The following ZFYVE9 variants were observed in gnomAD, a reference collection of about 807,000 sequenced individuals.
ZFYVE9 encodes zinc finger FYVE domain-containing protein 9.
ZFYVE9 carries 43 observed loss-of-function variants against 126.7 expected under a neutral mutation model. The ratio of observed to expected loss-of-function variants is 0.34; its 90% CI spans 0.27 to 0.44. The LOEUF (loss-of-function observed/expected upper bound fraction) is 0.44, where lower values mean the gene tolerates loss of function less well. Among genes scored for constraint, ZFYVE9 ranks in the 20% least tolerant of loss-of-function variants. The pLI is 1.00. For missense variants in ZFYVE9, 1,476 were observed against 1,697.0 expected (o/e 0.87, Z 2.29); for synonymous variants, 521 against 597.4 (o/e 0.87, Z 1.87).
intron 13 of ZFYVE9, among the ~76,000 whole-genome samples, chr1:52,322,462 C>T (rs895751697): frequency 7.4e-5 from 11 of 148,806 alleles, no homozygotes; most frequent in African/African-American, 2.7e-4. Flanking sequence ...ACTGCAACTT[C>T]CGCCTCCCGG....
At position 52,149,430 on chromosome 1, in the gene ZFYVE9, C is replaced by T. The variant is rs145122965; in HGVS notation, c.-143+7027C>T. 2.3e-3 allele frequency among the ~76,000 whole-genome samples: 343 copies of T among 151,982 alleles called. 1 individual carries two copies. Among genetic ancestry groups the T allele is most frequent in the African/African-American group, 7.9e-3 (326 of 41,416 alleles). On this transcript the variant is annotated intron_variant, in intron 1 of 18. Coordinates refer to ENST00000287727, the MANE Select transcript of ZFYVE9 (RefSeq NM_004799.4). Reference sequence around the variant, plus strand: ...TTCTTAAGAAAAGGCAATTGTAATGCCTGAGTTTAGTTTTTCTTTAACTCT... The same window carrying T: ...TTCTTAAGAAAAGGCAATTGTAATGTCTGAGTTTAGTTTTTCTTTAACTCT...
At chr1:52,219,042 G>A (rs889810646) in intron 2 of ZFYVE9, among the ~76,000 whole-genome samples, 1 of 152,076 alleles carries the variant, frequency 6.6e-6, no homozygotes, top group Admixed American at 6.6e-5. Context: ...GCGACCCTCT[G>A]AGGAGGTCCA....
At chr1:52,293,397 A>C in intron 10 of ZFYVE9, 56 bp from the exon 11 acceptor site, 1 of 1,318,128 alleles carries the variant, frequency 7.6e-7, no homozygotes, top group Non-Finnish European at 1.0e-6. Flanking sequence ...AAAAAAAAAA[A>C]AGAAATATGA....
At position 52,159,013 on chromosome 1, in the gene ZFYVE9, C is replaced by T. The variant is rs546301797; in HGVS notation, c.-143+16610C>T. 3.2e-4 allele frequency among the ~76,000 whole-genome samples: 48 copies of T among 152,128 alleles called. No homozygotes were observed. In the South Asian group the frequency reaches 5.8e-3, roughly 18 times the overall value. On this transcript the variant is annotated intron_variant, in intron 1 of 18. Transcript: ENST00000287727. ...TTCACCATGTTGGCCAGGATGGTCT[C>T]GATCTCCTGACCTCGTGATCCGCCC...
chr1:52,268,736 A>G (rs1645658678), intron 7 of ZFYVE9, 104 bp downstream of exon 7: 2 of 1,364,326 alleles, frequency 1.5e-6, no homozygotes, highest in Admixed American at 2.3e-5. Flanking sequence ...TTTTGGATAC[A>G]ACTTAGTGTA....
At chr1:52,220,416 A>G (rs1319842619) in intron 2 of ZFYVE9, among the ~76,000 whole-genome samples, 1 of 152,156 alleles carries the variant, frequency 6.6e-6, no homozygotes, top group Non-Finnish European at 1.5e-5. Context: ...GCTTCTACCC[A>G]GTGGGTGAGA....
chr1:52,313,770 A>G (rs1646158604), intron 13 of ZFYVE9, among the ~76,000 whole-genome samples: 1 of 152,226 alleles, frequency 6.6e-6, no homozygotes, highest in Non-Finnish European at 1.5e-5. Flanking sequence ...AAGGAGAGCT[A>G]TGGAAGATAT....
At chr1:52,157,207 T>C (rs1189295028) in intron 1 of ZFYVE9, among the ~76,000 whole-genome samples, 1 of 151,956 alleles carries the variant, frequency 6.6e-6, no homozygotes, top group African/African-American at 2.4e-5. Context: ...TAATTTTACA[T>C]ATATATATGA....
At chr1:52,302,514 G>A (rs1569713706) in intron 12 of ZFYVE9, among the ~76,000 whole-genome samples, 1 of 152,134 alleles carries the variant, frequency 6.6e-6, no homozygotes, top group East Asian at 1.9e-4. Flanking sequence ...ATTTTGGGAG[G>A]CCAAGGTGGG....
Position 52,263,759 on chromosome 1 carries a change from C to CT in ZFYVE9, c.2179-14_2179-13insT, listed in dbSNP as rs201836387. The CT allele has an allele frequency of 2.7e-6, 2 of 732,812 alleles. No individual in the cohort carries two copies. Among genetic ancestry groups the CT allele is most frequent in the African/African-American group, 6.0e-5 (2 of 33,600 alleles). 45.4% of individuals were successfully genotyped at this position (732,812 alleles called of 1,614,324 possible). A position where few individuals can be genotyped will look rare whatever the true frequency, so the allele number is the denominator to read the frequency against. On this transcript the variant is annotated splice_polypyrimidine_tract_variant and intron_variant, in intron 4 of 18. Transcript: ENST00000287727. ...AGTAAATTTTGTGTGTTCTTCCCCC[C>CT]CCCCCCCCCACAGGTTTTCTGTGCT... is the stretch of plus-strand genomic sequence containing the variant.
At position 52,346,420 on chromosome 1, in the gene ZFYVE9, A is replaced by G. The variant is rs1490318833; in HGVS notation, c.*199A>G. On this transcript the variant is annotated 3_prime_UTR_variant, in exon 19 of 19. Transcript: ENST00000287727. ...GATGTTCCATAATTCTAAGTCTTCTATGCATTGTCCACCAAGAAGATCTGG... is the reference window on the plus strand; with the variant it reads ...GATGTTCCATAATTCTAAGTCTTCTGTGCATTGTCCACCAAGAAGATCTGG... 9 of 536,024 alleles carry G rather than the reference A, an allele frequency of 1.7e-5. No homozygotes were observed. Among genetic ancestry groups the G allele is most frequent in the East Asian group, 3.0e-5 (1 of 32,922 alleles). The allele number at this position is 536,024 out of a possible 1,614,324, so 33.2% of individuals were successfully genotyped here. A position where few individuals can be genotyped will look rare whatever the true frequency, so the allele number is the denominator to read the frequency against.
At chr1:52,226,117 C>G (rs1645168575) in intron 2 of ZFYVE9, among the ~76,000 whole-genome samples, 1 of 152,024 alleles carries the variant, frequency 6.6e-6, no homozygotes, top group South Asian at 2.1e-4. Flanking sequence ...GGCTGGTTGC[C>G]CCACCCTAAT....
At chr1:52,232,805 A>G (rs1352658805) in intron 2 of ZFYVE9, among the ~76,000 whole-genome samples, 1 of 150,212 alleles carries the variant, frequency 6.7e-6, no homozygotes, top group Non-Finnish European at 1.5e-5. Flanking sequence ...AGTATCCGTT[A>G]CTCCTGTACT....
At chr1:52,311,261 ATTT>A (rs35243533) in intron 13 of ZFYVE9, among the ~76,000 whole-genome samples, 31 of 102,568 alleles carry the variant, frequency 3.0e-4, no homozygotes, top group Admixed American at 3.1e-4. Context: ...CCTTGGATTG[ATTT>A]TTTTTTTTTT....
chr1:52,287,723 G>A (rs978579814), intron 10 of ZFYVE9, among the ~76,000 whole-genome samples: 1 of 150,962 alleles, frequency 6.6e-6, no homozygotes, highest in African/African-American at 2.4e-5. Context: ...AAATTAACTA[G>A]GCCTAATGGC....
intron 17 of ZFYVE9, among the ~76,000 whole-genome samples, chr1:52,343,292 A>G (rs1447486545): frequency 1.3e-5 from 2 of 151,996 alleles, no homozygotes; most frequent in African/African-American, 4.8e-5. Context: ...CTAAAAATAC[A>G]AAAATTAGTC....
chr1:52,317,068 A>G (rs1646192373), intron 13 of ZFYVE9, among the ~76,000 whole-genome samples: 1 of 152,252 alleles, frequency 6.6e-6, no homozygotes, highest in Non-Finnish European at 1.5e-5. Flanking sequence ...TTTGGAAATA[A>G]AGTGTACATT....
intron 1 of ZFYVE9, among the ~76,000 whole-genome samples, chr1:52,212,532 A>T (rs1186788139): frequency 6.6e-6 from 1 of 152,226 alleles, no homozygotes; most frequent in Non-Finnish European, 1.5e-5. Flanking sequence ...CTAGTTTGGT[A>T]ACTATATGAA....
At chr1:52,167,041 A>T (rs1644520588) in intron 1 of ZFYVE9, among the ~76,000 whole-genome samples, 1 of 152,244 alleles carries the variant, frequency 6.6e-6, no homozygotes, top group African/African-American at 2.4e-5. Flanking sequence ...AATATAATTT[A>T]AAAAGTTTTG....
Sources: gnomAD v4.1 joint callset for allele counts (sites outside exome capture counted in the v4.1 genomes callset) on GRCh38, gnomAD v4.1.1 for gene constraint, MANE v1.5 for transcripts, NCBI Gene and HGNC (gene_info 2026-07-23, HGNC 2026-07-21) for gene names.